Variants in BCAP31 observed in about 807,000 individuals in gnomAD.
The protein encoded by BCAP31 is B-cell receptor-associated protein 31.
For synonymous variants in BCAP31, 75 were observed against 80.9 expected, an observed-to-expected ratio of 0.93 and a Z score of 0.39; for missense variants, 124 against 193.0, an observed-to-expected ratio of 0.64 and a Z score of 2.12.
At chrX:153,713,161 C>T (rs1389440011) in intron 4 of BCAP31, among the ~76,000 whole-genome samples, 3 of 110,987 alleles carry the variant, frequency 2.7e-5, no homozygotes, top group Non-Finnish European at 3.8e-5. Flanking sequence ...GAGCCGAGAT[C>T]GAGCCACTGC....
intron 3 of BCAP31, among the ~76,000 whole-genome samples, chrX:153,716,708 T>TA (rs1305171131): frequency 9.0e-6 from 1 of 111,516 alleles, no homozygotes; most frequent in Non-Finnish European, 1.9e-5. Context: ...TGCTGTGAGT[T>TA]ACGATCACAC....
chrX:153,723,883 G>T (rs2091687758), intron 1 of BCAP31: 1 of 533,253 alleles, frequency 1.9e-6, no homozygotes, highest in African/African-American at 2.3e-5. Context: ...CCGGTGGGCT[G>T]GAGGCCCGCA....
At chrX:153,718,887 G>A (rs1246109595) in intron 3 of BCAP31, among the ~76,000 whole-genome samples, 2 of 111,188 alleles carry the variant, frequency 1.8e-5, no homozygotes, top group Non-Finnish European at 3.8e-5. Context: ...CATCCTCCAG[G>A]AGGATCTGCT....
chrX:153,705,650 C>A (rs1487873180), intron 4 of BCAP31, among the ~76,000 whole-genome samples: 2 of 112,465 alleles, frequency 1.8e-5, no homozygotes, highest in Non-Finnish European at 3.8e-5. Flanking sequence ...ATCGGCATGG[C>A]CAGAAGTCAA....
chrX:153,707,368 T>C (rs1210595337), intron 4 of BCAP31, among the ~76,000 whole-genome samples: 2 of 101,342 alleles, frequency 2.0e-5, no homozygotes, highest in African/African-American at 3.6e-5. Context: ...CCAGCAAGTA[T>C]AGCTAAAAAA....
intron 2 of BCAP31, among the ~76,000 whole-genome samples, chrX:153,722,708 C>G (rs1441375052): frequency 8.9e-6 from 1 of 111,970 alleles, no homozygotes; most frequent in Non-Finnish European, 1.9e-5. Context: ...GCTTCATCCT[C>G]CACAGGCTGA....
chrX:153,704,332 A>T (rs1310411670), intron 4 of BCAP31, among the ~76,000 whole-genome samples: 1 of 112,273 alleles, frequency 8.9e-6, no homozygotes. Context: ...GAGGGGCTGG[A>T]AGCAGGAGCC....
chrX:153,723,063 T>C, intron 2 of BCAP31, 90 bp downstream of exon 2: 1 of 1,089,901 alleles, frequency 9.2e-7, no homozygotes, highest in South Asian at 2.2e-5. Context: ...GGGTCCCAAT[T>C]CCAGGGTCCA....
At chrX:153,716,018 T>C (rs1289715598) in intron 3 of BCAP31, among the ~76,000 whole-genome samples, 1 of 108,696 alleles carries the variant, frequency 9.2e-6, no homozygotes, top group African/African-American at 3.4e-5. Context: ...AAAAAAAATT[T>C]AGCCCGGCGT....
At chrX:153,712,883 G>A (rs2091601983) in intron 4 of BCAP31, among the ~76,000 whole-genome samples, 2 of 112,025 alleles carry the variant, frequency 1.8e-5, no homozygotes, top group African/African-American at 6.5e-5. Flanking sequence ...TGGCCACACA[G>A]CCCATTTGCA....
At chrX:153,721,385 G>A (rs2091664485) in intron 2 of BCAP31, among the ~76,000 whole-genome samples, 2 of 101,484 alleles carry the variant, frequency 2.0e-5, no homozygotes, top group Non-Finnish European at 2.0e-5. Context: ...GCAGTGAGCC[G>A]AGATCGCGCC....
chrX:153,706,093 A>G (rs1381070166), intron 4 of BCAP31, among the ~76,000 whole-genome samples: 1 of 111,388 alleles, frequency 9.0e-6, no homozygotes, highest in Non-Finnish European at 1.9e-5. Context: ...GCTCAGCCCC[A>G]GCCCAGGCCT....
In BCAP31 at chrX:153,712,450, C is replaced by G. The variant is rs202089538; in HGVS notation, c.341+3092G>C. ...AATAAATAAATAAATATGCTGGAAA[C>G]AGGTCAGTTGTCCCAGAAAAACATT... On this transcript the variant is annotated intron_variant, in intron 4 of 7. Transcript: ENST00000345046. Among the ~76,000 whole-genome samples, 4 of 110,991 alleles carry G rather than the reference C, an allele frequency of 3.6e-5. No individual in the cohort carries two copies. In the East Asian group the frequency reaches 1.1e-3, roughly 31 times the overall value.
chrX:153,717,428 G>A (rs782602239), intron 3 of BCAP31, among the ~76,000 whole-genome samples: 1 of 112,002 alleles, frequency 8.9e-6, no homozygotes, highest in East Asian at 2.8e-4. Context: ...ATCACTGTAT[G>A]GGTATCGAGG....
intron 1 of BCAP31, 127 bp from the exon 2 acceptor site, chrX:153,723,415 T>C: frequency 1.8e-6 from 2 of 1,130,442 alleles, no homozygotes; most frequent in Non-Finnish European, 2.4e-6. Context: ...TCAAAGTCTC[T>C]GATGCGCTGG....
At chrX:153,704,532 T>A (rs1557048041) in intron 4 of BCAP31, among the ~76,000 whole-genome samples, 1 of 112,127 alleles carries the variant, frequency 8.9e-6, no homozygotes, top group African/African-American at 3.2e-5. Context: ...CATCCTCACA[T>A]CTACCTGATG....
chrX:153,708,428 G>A (rs1249617860), intron 4 of BCAP31, among the ~76,000 whole-genome samples: 3 of 112,376 alleles, frequency 2.7e-5, no homozygotes, highest in African/African-American at 9.7e-5. Flanking sequence ...GGCCACCCCC[G>A]GCCCGCCCTG....
At chrX:153,722,827 G>A (rs1284338402) in intron 2 of BCAP31, among the ~76,000 whole-genome samples, 4 of 110,462 alleles carry the variant, frequency 3.6e-5, no homozygotes, top group Non-Finnish European at 7.6e-5. Flanking sequence ...CGAATCCCAC[G>A]CTACCATCCC....
At chrX:153,701,773 T>C (rs781910418) in intron 7 of BCAP31, among the ~76,000 whole-genome samples, 4 of 113,020 alleles carry the variant, frequency 3.5e-5, no homozygotes, top group African/African-American at 9.6e-5. Flanking sequence ...GCTCAGAGCC[T>C]AGTGAGCCAG....
Sources: gnomAD v4.1 joint callset for allele counts (sites outside exome capture counted in the v4.1 genomes callset) on GRCh38, gnomAD v4.1.1 for gene constraint, MANE v1.5 for transcripts, NCBI Gene and HGNC (gene_info 2026-07-23, HGNC 2026-07-21) for gene names.